ZC3H12B: variants seen among roughly 807,000 people sequenced by gnomAD.
The protein encoded by ZC3H12B is zinc finger CCCH-type containing 12B.
A neutral mutation model predicts 43.9 loss-of-function variants in ZC3H12B; 7 were observed. The ratio of observed to expected loss-of-function variants is 0.16; its 90% CI spans 0.09 to 0.30. ZC3H12B has a LOEUF of 0.30. Ranked by LOEUF, ZC3H12B falls within the 10% of genes least tolerant of loss-of-function variation. ZC3H12B has a pLI of 1.00. For missense variants in ZC3H12B, 475 were observed against 670.2 expected (o/e 0.71, Z 3.22); for synonymous variants, 222 against 241.7 (o/e 0.92, Z 0.76).
chrX:65,128,427 T>C, the ZC3H12B span, among the ~76,000 whole-genome samples: 3 of 112,018 alleles, frequency 2.7e-5, no homozygotes, highest in African/African-American at 9.7e-5. Context: ...GAAAACACCC[T>C]TGGTATGATT....
the ZC3H12B span, among the ~76,000 whole-genome samples, chrX:65,167,997 T>A: frequency 1.8e-5 from 2 of 111,896 alleles, no homozygotes; most frequent in Non-Finnish European, 3.8e-5. Flanking sequence ...ACAATTTGAC[T>A]TCCTTTTTTC....
chrX:65,185,503 T>C, the ZC3H12B span: 1 of 112,012 alleles, frequency 8.9e-6, no homozygotes, highest in African/African-American at 3.2e-5. Context: ...TTTAGACTAG[T>C]TGCATAGTTG....
chrX:65,494,560 A>G (rs1377492829), intron 1 of ZC3H12B, among the ~76,000 whole-genome samples: 2 of 110,825 alleles, frequency 1.8e-5, no homozygotes, highest in African/African-American at 6.6e-5. Context: ...ACGCTGGCGG[A>G]TCACAAGTTC....
At chrX:65,251,223 G>C in the ZC3H12B span, among the ~76,000 whole-genome samples, 1 of 111,639 alleles carries the variant, frequency 9.0e-6, no homozygotes, top group African/African-American at 3.3e-5. Context: ...GTTTTTGTCA[G>C]GTTTGTCAAA....
chrX:65,304,833 G>A, the ZC3H12B span, among the ~76,000 whole-genome samples: 67 of 111,005 alleles, frequency 6.0e-4, no homozygotes, highest in African/African-American at 2.1e-3. Context: ...TAATAAATTG[G>A]ACTTCATCAA....
chrX:65,415,322 G>A (rs1343044769), intron 3 of ZC3H12B, among the ~76,000 whole-genome samples: 1 of 112,495 alleles, frequency 8.9e-6, no homozygotes, highest in Non-Finnish European at 1.9e-5. Flanking sequence ...CCTGGATGGA[G>A]GAAAAGACAT....
exon 1 of ZC3H12B, chrX:65,489,365 C>A (rs754521899): frequency 1.7e-6 from 2 of 1,207,356 alleles, no homozygotes; most frequent in South Asian, 1.8e-5. Flanking sequence ...ATAACAGTGA[C>A]AATTTGAGGC....
chrX:65,150,501 C>A, the ZC3H12B span, among the ~76,000 whole-genome samples: 1 of 109,780 alleles, frequency 9.1e-6, no homozygotes, highest in Non-Finnish European at 1.9e-5. Flanking sequence ...CCCCGACCCC[C>A]CAACAGGCCC....
At chrX:65,075,607 G>A in the ZC3H12B span, among the ~76,000 whole-genome samples, 1 of 112,032 alleles carries the variant, frequency 8.9e-6, no homozygotes, top group Non-Finnish European at 1.9e-5. Flanking sequence ...CCTTCCTAGA[G>A]AGAAGCTGAG....
intron 3 of ZC3H12B, among the ~76,000 whole-genome samples, chrX:65,431,464 A>G (rs953058479): frequency 8.9e-6 from 1 of 112,498 alleles, no homozygotes; most frequent in Non-Finnish European, 1.9e-5. Context: ...GTTGCAGTTC[A>G]TGTTGCTCAC....
chrX:65,051,004 A>AG, the ZC3H12B span, among the ~76,000 whole-genome samples: 1 of 111,200 alleles, frequency 9.0e-6, no homozygotes, highest in African/African-American at 3.3e-5. Context: ...GATTATTTGT[A>AG]GGGGGGTTAT....
At chrX:65,224,636 C>A in the ZC3H12B span, among the ~76,000 whole-genome samples, 1 of 112,080 alleles carries the variant, frequency 8.9e-6, no homozygotes, top group Non-Finnish European at 1.9e-5. Context: ...AAAGGGGTGA[C>A]AGATGGCACC....
chrX:65,072,858 G>A, the ZC3H12B span, among the ~76,000 whole-genome samples: 1 of 112,573 alleles, frequency 8.9e-6, no homozygotes, highest in Admixed American at 9.3e-5. Flanking sequence ...CATGCCTTGG[G>A]CACTGGGGAG....
intron 2 of ZC3H12B, among the ~76,000 whole-genome samples, chrX:65,386,260 T>G (rs1186603205): frequency 8.9e-6 from 1 of 111,999 alleles, no homozygotes; most frequent in Admixed American, 9.5e-5. Flanking sequence ...AATTTGGCTG[T>G]GAATCTGTCT....
chrX:65,238,514 T>C, the ZC3H12B span, among the ~76,000 whole-genome samples: 1 of 110,177 alleles, frequency 9.1e-6, no homozygotes, highest in Admixed American at 9.7e-5. Context: ...AGATAACATA[T>C]CAATATTTTT....
the ZC3H12B span, among the ~76,000 whole-genome samples, chrX:65,283,528 C>A: frequency 1.8e-5 from 2 of 111,450 alleles, no homozygotes; most frequent in Non-Finnish European, 3.8e-5. Context: ...AAGAGGAAGT[C>A]AAATTGTTCC....
chrX:65,128,077 T>A, the ZC3H12B span, among the ~76,000 whole-genome samples: 1 of 111,863 alleles, frequency 8.9e-6, no homozygotes, highest in East Asian at 2.8e-4. Context: ...CTGTGGTAGT[T>A]CTTGGATGAA....
exon 3 of ZC3H12B, chrX:65,499,175 C>T (rs759184566): frequency 2.5e-6 from 3 of 1,208,779 alleles, no homozygotes; most frequent in African/African-American, 1.8e-5. Context: ...AGTTGAAAAG[C>T]CAGAATGGAA....
At chrX:65,234,142 T>G in the ZC3H12B span, among the ~76,000 whole-genome samples, 1 of 111,534 alleles carries the variant, frequency 9.0e-6, no homozygotes. Context: ...TCAAACCACA[T>G]GAAAAAGATT....
Sources: gnomAD v4.1 joint callset for allele counts (sites outside exome capture counted in the v4.1 genomes callset) on GRCh38, gnomAD v4.1.1 for gene constraint, MANE v1.5 for transcripts, NCBI Gene and HGNC (gene_info 2026-07-23, HGNC 2026-07-21) for gene names.